MIA2: variants seen among roughly 807,000 people sequenced by gnomAD.
MIA2 encodes the protein melanoma inhibitory activity protein 2.
Under a neutral mutation model 167.8 loss-of-function variants are expected in MIA2, and 127 were observed. That is an observed-to-expected ratio of 0.76 (90% confidence interval 0.66 to 0.88). The LOEUF is 0.88. Ranked by LOEUF, MIA2 falls within the 40% of genes least tolerant of loss-of-function variation. The pLI is 0.00. For missense variants in MIA2, 1,690 were observed against 1,624.7 expected (o/e 1.04, Z -0.69); for synonymous variants, 552 against 541.9 (o/e 1.02, Z -0.26).
rs755133414 is a variant in MIA2 at position 39,348,993 on chromosome 14, CT to C, written c.4072+25del. On this transcript the variant is annotated intron_variant, in intron 28 of 28. Transcript: ENST00000640607. ...CCATTTGCAAGTATGCTTTTTTAAA[CT>C]TTTTTTTTAAAGCTCAATATGTGGT... 104 of 1,582,058 alleles carry C rather than the reference CT, an allele frequency of 6.6e-5. No individual in the cohort carries two copies. Among genetic ancestry groups the C allele is most frequent in the East Asian group, 6.5e-4 (29 of 44,310 alleles).
At chr14:39,318,074 CTT>C (rs2065815885) in intron 22 of MIA2, 63 bp downstream of exon 22, 2 of 1,228,760 alleles carry the variant, frequency 1.6e-6, no homozygotes, top group African/African-American at 1.6e-5. Context: ...TTAGGTAATA[CTT>C]TTATAAGGTT....
At chr14:39,355,869 T>C (rs1384418887), downstream of MIA2, among the ~76,000 whole-genome samples, 2 of 152,228 alleles carry the variant, frequency 1.3e-5, no homozygotes, top group African/African-American at 4.8e-5. Flanking sequence ...GATTTGCGTA[T>C]GTTGAACCAG....
chr14:39,288,462 T>TTTG lies in MIA2; in HGVS notation c.2131-2557_2131-2556insTTG, dbSNP rs1566747993. ...ATATATATATATATATATATATATA[T>TTTG]ATATATATATATATTTTTTTTTTTT... is the stretch of plus-strand genomic sequence containing the variant. On this transcript the variant is annotated intron_variant, in intron 9 of 28. Transcript: ENST00000640607. Among the ~76,000 whole-genome samples the TTTG allele has an allele frequency of 1.9e-3, 38 of 20,046 alleles. 5 individuals are homozygous for TTTG. Among genetic ancestry groups the TTTG allele is most frequent in the African/African-American group, 6.3e-3 (36 of 5,746 alleles). 13.2% of individuals were successfully genotyped at this position (20,046 alleles called of 152,430 possible). A position where few individuals can be genotyped will look rare whatever the true frequency, so the allele number is the denominator to read the frequency against.
At chr14:39,343,198 G>A (rs1051564866) in intron 25 of MIA2, among the ~76,000 whole-genome samples, 1 of 152,178 alleles carries the variant, frequency 6.6e-6, no homozygotes, top group African/African-American at 2.4e-5. Context: ...AGGCTGGGGT[G>A]CAGTGGCGTG....
Position 39,372,873 on chromosome 14 carries a change from C to T in MIA2, c.2249-14012C>T, listed in dbSNP as rs991180608. On this transcript the variant is annotated intron_variant, in intron 23 of 23. Coordinates refer to the MIA2 transcript ENST00000341502. Reference sequence around the variant, plus strand: ...ACTTAAGACTAGTTGTGACTCACAGCTTGTCCATAGACAAGCAATTCCTAC... The same window carrying T: ...ACTTAAGACTAGTTGTGACTCACAGTTTGTCCATAGACAAGCAATTCCTAC... 2.6e-5 allele frequency among the ~76,000 whole-genome samples: 4 copies of T among 152,140 alleles called. No individual in the cohort carries two copies. The South Asian group carries it at 8.3e-4, about 32-fold the overall frequency.
intron 4 of MIA2, among the ~76,000 whole-genome samples, chr14:39,249,915 C>T (rs2054483139): frequency 6.6e-6 from 1 of 152,130 alleles, no homozygotes; most frequent in Admixed American, 6.5e-5. Flanking sequence ...TTAACATTCC[C>T]TAAAATGTGA....
chr14:39,304,481 A>G (rs745744694), intron 17 of MIA2, 100 bp downstream of exon 17: 11 of 639,262 alleles, frequency 1.7e-5, no homozygotes, highest in Non-Finnish European at 2.0e-5. Flanking sequence ...GGAAGATCCA[A>G]TTTTATTTTT....
chr14:39,256,677 G>A (rs2054830835), intron 6 of MIA2, among the ~76,000 whole-genome samples: 1 of 151,910 alleles, frequency 6.6e-6, no homozygotes, highest in African/African-American at 2.4e-5. Context: ...TGAAGAAATT[G>A]GAATCAGCAC....
intron 9 of MIA2, among the ~76,000 whole-genome samples, chr14:39,288,479 T>TG (rs2060238894): frequency 3.1e-5 from 2 of 64,976 alleles, no homozygotes; most frequent in African/African-American, 9.9e-5. Flanking sequence ...ATATATATTT[T>TG]TTTTTTTTTT....
Position 39,237,056 on chromosome 14 carries a change from G to GT in MIA2, c.249+2dup, listed in dbSNP as rs2053777528. 1.2e-6 allele frequency: 2 copies of GT among 1,611,728 alleles called. No individual in the cohort carries two copies. The highest frequency in any genetic ancestry group is 1.7e-6 in the Non-Finnish European group (2 of 1,179,462). ...AAGGGAAGATTTGTGGGCAGGAAGTGTAAGTAACTACTTTTAAAAATTGAA... is the reference window on the plus strand; with the variant it reads ...AAGGGAAGATTTGTGGGCAGGAAGTGTTAAGTAACTACTTTTAAAAATTGAA... On this transcript the variant is annotated splice_donor_variant, in intron 2 of 28. Coordinates refer to ENST00000640607, the MANE Select transcript of MIA2 (RefSeq NM_001329214.4). LOFTEE classifies it high-confidence loss of function.
Position 39,239,201 on chromosome 14 carries a change from G to C in MIA2, c.250-1360G>C, listed in dbSNP as rs141374369. ...TAATAGTCACTGGCCAGAATTGCTT[G>C]TCTGGCCTCTGCAGTTCCCAACTTT... On this transcript the variant is annotated intron_variant, in intron 2 of 28. Transcript: ENST00000640607. 3.1e-4 allele frequency among the ~76,000 whole-genome samples: 47 copies of C among 152,288 alleles called. No homozygotes were observed. In the East Asian group the frequency reaches 3.5e-3, roughly 11 times the overall value.
At chr14:39,343,018 G>A (rs1239575080) in intron 25 of MIA2, among the ~76,000 whole-genome samples, 1 of 152,126 alleles carries the variant, frequency 6.6e-6, no homozygotes, top group African/African-American at 2.4e-5. Flanking sequence ...AGCATTTAGA[G>A]TGTCTCCAAT....
At chr14:39,268,073 C>T (rs949734452) in intron 6 of MIA2, among the ~76,000 whole-genome samples, 1 of 150,966 alleles carries the variant, frequency 6.6e-6, no homozygotes, top group Admixed American at 6.6e-5. Flanking sequence ...AATGTACAGT[C>T]TAGAGATAGT....
chr14:39,312,304 T>G (rs1486239154), intron 18 of MIA2, among the ~76,000 whole-genome samples: 1 of 152,238 alleles, frequency 6.6e-6, no homozygotes, highest in African/African-American at 2.4e-5. Context: ...CACATCTCTC[T>G]TCCATATCCA....
At chr14:39,251,745 ACTTTCAT>A (rs1018703391) in intron 4 of MIA2, among the ~76,000 whole-genome samples, 6 of 152,236 alleles carry the variant, frequency 3.9e-5, no homozygotes, top group Admixed American at 3.9e-4. Flanking sequence ...CTCAATTGGG[ACTTTCAT>A]CTTTTAAACA....
chr14:39,237,313 A>G, intron 2 of MIA2: 1 of 440,954 alleles, frequency 2.3e-6, no homozygotes, highest in Non-Finnish European at 4.3e-6. Context: ...TTCTTGGTAG[A>G]GACAGCATTT....
At chr14:39,298,413 T>TTATATATATATATATATATTTATATA (rs2061754547) in intron 13 of MIA2, among the ~76,000 whole-genome samples, 2 of 26,152 alleles carry the variant, frequency 7.6e-5, no homozygotes, top group African/African-American at 2.8e-4. Context: ...TGATTCTGTT[T>TTATATATATATATATATATTTATATA]TATATATATA....
rs2058250039 is a variant in MIA2, at chr14:39,277,690, GTGTATATA to G, written c.2019+627_2019+634del. On this transcript the variant is annotated intron_variant, in intron 7 of 28. Coordinates refer to ENST00000640607, the MANE Select transcript of MIA2 (RefSeq NM_001329214.4). ...AGATCTTTTATATATATATATATGT[GTGTATATA>G]TATATATATATATATATGTGTGTAT... Among the ~76,000 whole-genome samples, 3 of 4,406 alleles carry G rather than the reference GTGTATATA, an allele frequency of 6.8e-4. 1 individual carries two copies. Among genetic ancestry groups the G allele is most frequent in the African/African-American group, 3.3e-3 (3 of 920 alleles). 2.9% of individuals were successfully genotyped at this position (4,406 alleles called of 152,430 possible). A position where few individuals can be genotyped will look rare whatever the true frequency, so the allele number is the denominator to read the frequency against.
At chr14:39,379,488 C>T (rs766334388) in intron 23 of MIA2, among the ~76,000 whole-genome samples, 7 of 152,146 alleles carry the variant, frequency 4.6e-5, no homozygotes, top group Non-Finnish European at 7.4e-5. Flanking sequence ...CCTCTCCCGT[C>T]GTACAAAACA....
Sources: allele counts gnomAD v4.1 joint callset (sites outside exome capture counted in the v4.1 genomes callset), GRCh38; gene constraint gnomAD v4.1.1; transcripts MANE v1.5; gene names NCBI Gene and HGNC (gene_info 2026-07-23, HGNC 2026-07-21).